Variants in TAF4B observed in about 807,000 individuals in gnomAD.
TAF4B encodes TATA-box binding protein associated factor 4b.
A neutral mutation model predicts 86.4 loss-of-function variants in TAF4B; 38 were observed. That is an observed-to-expected ratio of 0.44 (90% CI 0.34 to 0.58). The LOEUF is 0.58. TAF4B is among the 20% of genes least tolerant of loss of function. The probability of loss-of-function intolerance (pLI) is 0.02; values close to 1 mark genes in which losing one functional copy is unlikely to be tolerated. For missense variants in TAF4B, 988 were observed against 1,027.6 expected (o/e 0.96, Z 0.53); for synonymous variants, 388 against 391.2 (o/e 0.99, Z 0.10).
At chr18:26,272,792 A>G (rs1053561503) in intron 3 of TAF4B, among the ~76,000 whole-genome samples, 1 of 152,170 alleles carries the variant, frequency 6.6e-6, no homozygotes, top group Admixed American at 6.6e-5. Flanking sequence ...TTATTAGAAA[A>G]TCTCCACAAG....
rs1185711286 is a variant in TAF4B, at chr18:26,226,992, C to T, written c.59C>T (p.Ser20Leu). Residue 20 changes from serine to leucine, a missense_variant, in exon 1 of 15, where the codon TCG (serine) becomes TTG (leucine). Physicochemically the swap from Ser to Leu is moderately radical, Grantham distance 145. This residue lies in a region of TAF4B where 747 missense variants were observed against 737.9 expected (regional missense o/e 1.01). Transcript: ENST00000269142. Reference sequence around the variant, plus strand: ...GCTCCCCCGGCTGCTGTGAGCGCCTCGGGGACCGTGACCATGGCCCCGGCC... The same window carrying T: ...GCTCCCCCGGCTGCTGTGAGCGCCTTGGGGACCGTGACCATGGCCCCGGCC... ...GAAPPAAVSA[S>L]GTVTMAPAGA... 21 of 1,426,780 alleles carry T rather than the reference C, an allele frequency of 1.5e-5. No homozygotes were observed. Among genetic ancestry groups the T allele is most frequent in the Non-Finnish European group, 1.7e-5 (19 of 1,104,036 alleles). 88.4% of individuals were successfully genotyped at this position (1,426,780 alleles called of 1,614,324 possible).
At chr18:26,389,440 T>C (rs1978574344) in intron 14 of TAF4B, among the ~76,000 whole-genome samples, 1 of 150,756 alleles carries the variant, frequency 6.6e-6, no homozygotes, top group Admixed American at 6.6e-5. Flanking sequence ...CTACATTTGA[T>C]AGATTTTTAT....
intron 9 of TAF4B, among the ~76,000 whole-genome samples, chr18:26,298,473 C>A (rs909185248): frequency 6.6e-6 from 1 of 152,062 alleles, no homozygotes; most frequent in Non-Finnish European, 1.5e-5. Flanking sequence ...ACCTTGTGAT[C>A]CGCCCTTCTC....
chr18:26,294,491 T>C (rs2056636464), intron 9 of TAF4B, among the ~76,000 whole-genome samples: 1 of 150,832 alleles, frequency 6.6e-6, no homozygotes, highest in Non-Finnish European at 1.5e-5. Context: ...CGATCAAGTG[T>C]TTTTAAGAGT....
At chr18:26,306,854 T>C (rs973566899) in intron 9 of TAF4B, among the ~76,000 whole-genome samples, 1 of 152,018 alleles carries the variant, frequency 6.6e-6, no homozygotes, top group Non-Finnish European at 1.5e-5. Flanking sequence ...CTCGGCTCAC[T>C]GCAAGCTCTG....
At chr18:26,265,435 A>C in intron 2 of TAF4B, 120 bp downstream of exon 2, 2 of 1,195,680 alleles carry the variant, frequency 1.7e-6, no homozygotes, top group Non-Finnish European at 2.2e-6. Context: ...TCAGCTTTTT[A>C]GGTCAGCTTG....
intron 9 of TAF4B, among the ~76,000 whole-genome samples, chr18:26,293,762 T>G (rs1204529927): frequency 6.6e-6 from 1 of 152,190 alleles, no homozygotes; most frequent in Non-Finnish European, 1.5e-5. Context: ...ATCAAGATAC[T>G]GAACATATTC....
Position 26,274,963 on chromosome 18 carries a change from C to A in TAF4B, c.792C>A (p.Asn264Lys). 1 of 1,613,340 alleles carries A rather than the reference C, an allele frequency of 6.2e-7. No individual in the cohort carries two copies. Among genetic ancestry groups the A allele is most frequent in the Non-Finnish European group, 8.5e-7 (1 of 1,179,764 alleles). ...TAGAAAATGTGAAGAAATGCAAGAA[C>A]TTCCTTGCAATGTTAATAAAACTAG... ...TMLENVKKCKNFLAMLIKLAC... is the reference protein window; with the variant it reads ...TMLENVKKCKKFLAMLIKLAC... Residue 264 changes from asparagine to lysine, a missense_variant, in exon 5 of 15, where the codon AAC (asparagine) becomes AAA (lysine). Transcript: ENST00000269142.
chr18:26,287,059 A>AT, intron 7 of TAF4B, among the ~76,000 whole-genome samples: 1 of 152,134 alleles, frequency 6.6e-6, no homozygotes, highest in East Asian at 1.9e-4. Flanking sequence ...TGCATGGTGT[A>AT]TATCTCCTAA....
At chr18:26,369,586 G>A (rs1409540042) in intron 14 of TAF4B, among the ~76,000 whole-genome samples, 1 of 152,210 alleles carries the variant, frequency 6.6e-6, no homozygotes, top group East Asian at 1.9e-4. Flanking sequence ...TCAGGGTGAG[G>A]ACAACAGATG....
At chr18:26,378,467 T>C (rs1202843736) in intron 14 of TAF4B, among the ~76,000 whole-genome samples, 1 of 152,220 alleles carries the variant, frequency 6.6e-6, no homozygotes, top group Non-Finnish European at 1.5e-5. Flanking sequence ...CTCATACTTC[T>C]ATACCAAAGT....
At chr18:26,384,447 C>T (rs1374885549) in intron 14 of TAF4B, among the ~76,000 whole-genome samples, 2 of 152,206 alleles carry the variant, frequency 1.3e-5, no homozygotes, top group African/African-American at 4.8e-5. Flanking sequence ...TTACTGTCCA[C>T]CCGTCACATG....
At chr18:26,267,459 A>G (rs1427312408) in intron 2 of TAF4B, 57 bp from the exon 3 acceptor site, 9 of 1,172,244 alleles carry the variant, frequency 7.7e-6, no homozygotes, top group Non-Finnish European at 1.2e-5. Context: ...TGCAGTACTG[A>G]TCTTAAATTA....
intron 1 of TAF4B, among the ~76,000 whole-genome samples, chr18:26,257,922 C>T (rs2056109378): frequency 6.7e-6 from 1 of 149,268 alleles, no homozygotes; most frequent in African/African-American, 2.4e-5. Flanking sequence ...AGTTATATTA[C>T]AAACCCAACA....
intron 1 of TAF4B, among the ~76,000 whole-genome samples, chr18:26,253,608 C>G (rs1349525458): frequency 1.3e-5 from 2 of 152,056 alleles, no homozygotes; most frequent in Non-Finnish European, 2.9e-5. Context: ...GACGTGTTCC[C>G]TGCTTTTTTA....
intron 1 of TAF4B, among the ~76,000 whole-genome samples, chr18:26,235,428 T>G (rs2055734617): frequency 6.6e-6 from 1 of 152,226 alleles, no homozygotes; most frequent in East Asian, 1.9e-4. Context: ...TGACTTGTTA[T>G]AGGCAGAGCT....
At chr18:26,272,412 T>C (rs1432731527) in intron 3 of TAF4B, among the ~76,000 whole-genome samples, 6 of 151,952 alleles carry the variant, frequency 3.9e-5, no homozygotes, top group Admixed American at 3.3e-4. Context: ...GGCACAGGGG[T>C]TGGGGACCCC....
Position 26,285,988 on chromosome 18 carries a change from C to A in TAF4B, c.1079C>A (p.Thr360Lys). ...SDMVIATCTT[T>K]VTTSPVVTTT... ...ATGGTCATTGCTACCTGTACTACAA[C>A]AGTAACAACTTCTCCTGTGGTGACA... The change falls in exon 7 of 15, where the codon ACA becomes AAA. Residue 360 changes from threonine to lysine, a missense_variant. Transcript: ENST00000269142. 6.2e-7 allele frequency: 1 copy of A among 1,614,222 alleles called. No homozygotes were observed. Among genetic ancestry groups the A allele is most frequent in the Non-Finnish European group, 8.5e-7 (1 of 1,180,042 alleles).
chr18:26,375,079 T>G (rs1307083572), intron 14 of TAF4B, among the ~76,000 whole-genome samples: 2 of 152,198 alleles, frequency 1.3e-5, no homozygotes, highest in Non-Finnish European at 2.9e-5. Context: ...CCATTAGCAG[T>G]CATCCTCTCA....
Sources: allele counts gnomAD v4.1 joint callset (sites outside exome capture counted in the v4.1 genomes callset), GRCh38; gene constraint gnomAD v4.1.1; regional missense constraint gnomAD v4.1.1; transcripts MANE v1.5; gene names NCBI Gene and HGNC (gene_info 2026-07-23, HGNC 2026-07-21).